The following STAB2 variants were observed in gnomAD, a reference collection of about 807,000 sequenced individuals.
STAB2 encodes stabilin-2.
STAB2 carries 288 observed loss-of-function variants against 338.1 expected under a neutral mutation model. The observed-to-expected ratio is 0.85, with a 90% CI of 0.77 to 0.94. The LOEUF is 0.94. Among genes scored for constraint, STAB2 ranks in the 40% least tolerant of loss-of-function variants. The pLI, the probability that STAB2 is intolerant of heterozygous loss-of-function variation, is 0.00. For missense variants in STAB2, 3,141 were observed against 3,210.1 expected (o/e 0.98, Z 0.52); for synonymous variants, 1,202 against 1,193.3 (o/e 1.01, Z -0.15).
At chr12:103,681,432 C>T (rs1345695106) in intron 25 of STAB2, among the ~76,000 whole-genome samples, 1 of 152,054 alleles carries the variant, frequency 6.6e-6, no homozygotes, top group East Asian at 1.9e-4. Context: ...ATCAAGGTGT[C>T]ATCAGGGTTG....
At position 103,740,804 on chromosome 12, in the gene STAB2, T is replaced by C. The variant is rs758808049; in HGVS notation, c.5881+48T>C. On this transcript the variant is annotated intron_variant, in intron 55 of 68. Transcript: ENST00000388887. ...CGCAACTCTAAAAGTGGTAATATGC[T>C]CCTGCTCGTTGTCCAGTCTTTGAAT... 2.6e-6 allele frequency: 4 copies of C among 1,515,814 alleles called. No homozygotes were observed. The South Asian group carries it at 5.4e-5, about 20-fold the overall frequency. 93.9% of individuals were successfully genotyped at this position (1,515,814 alleles called of 1,614,324 possible).
intron 58 of STAB2, among the ~76,000 whole-genome samples, chr12:103,746,989 G>A (rs1236608531): frequency 6.5e-5 from 8 of 122,334 alleles, no homozygotes; most frequent in Non-Finnish European, 9.7e-5. Flanking sequence ...GGACTTTCAC[G>A]CTTGTTGCCC....
At chr12:103,656,291 T>C (rs897050170) in intron 15 of STAB2, among the ~76,000 whole-genome samples, 1 of 152,238 alleles carries the variant, frequency 6.6e-6, no homozygotes, top group Non-Finnish European at 1.5e-5. Context: ...TGCCACCATC[T>C]TGGTAATGGG....
intron 50 of STAB2, among the ~76,000 whole-genome samples, chr12:103,732,771 C>T (rs1881733561): frequency 6.6e-6 from 1 of 152,142 alleles, no homozygotes; most frequent in South Asian, 2.1e-4. Flanking sequence ...TGCTACTGCA[C>T]TCCAGCCGGG....
intron 4 of STAB2, 106 bp from the exon 5 acceptor site, chr12:103,621,936 A>G: frequency 2.9e-6 from 3 of 1,027,392 alleles, no homozygotes; most frequent in Non-Finnish European, 4.4e-6. Context: ...ATAGGCACAG[A>G]GGGAAAATAT....
rs538317123 is a variant in STAB2, at chr12:103,660,387, T to A, written c.1788+3T>A. ...ACCACATTGTCCCATTTACCCAGGT[T>A]GGCCCCACTTTTCCTGCTGCTACTT... On this transcript the variant is annotated splice_donor_region_variant and intron_variant, in intron 16 of 68. Transcript: ENST00000388887. 10 of 1,614,192 alleles carry A rather than the reference T, an allele frequency of 6.2e-6. No individual in the cohort carries two copies. In the East Asian group the frequency reaches 2.0e-4, roughly 32 times the overall value.
intron 3 of STAB2, among the ~76,000 whole-genome samples, chr12:103,607,398 TA>T (rs57820429): frequency 0.5 from 75,454 of 151,118 alleles, 19,505 homozygotes; most frequent in East Asian, 0.74. Flanking sequence ...TGTTTTTTTT[TA>T]ATTATACTTT....
chr12:103,727,273 T>G lies in STAB2; in HGVS notation c.4858T>G (p.Phe1620Val). 1 of 1,614,230 alleles carries G rather than the reference T, an allele frequency of 6.2e-7. No individual in the cohort carries two copies. The highest frequency in any genetic ancestry group is 1.1e-5 in the South Asian group (1 of 91,090). Residue 1620 changes from phenylalanine (F) to valine (V), a missense_variant, in exon 47 of 69, where the codon TTC becomes GTC. Phe to Val is a conservative substitution (Grantham distance 50). Coordinates refer to ENST00000388887, the MANE Select transcript of STAB2 (RefSeq NM_017564.10). ...SQYFFQLQEHFVKDLVGPGPF... is the reference protein window; with the variant it reads ...SQYFFQLQEHVVKDLVGPGPF... ...CTCACCTTTCTTCCCACAGGAGCAT[T>G]TCGTGAAAGATCTGGTCGGCCCAGG...
At chr12:103,596,538 A>G (rs1353898286) in intron 3 of STAB2, among the ~76,000 whole-genome samples, 3 of 152,234 alleles carry the variant, frequency 2.0e-5, no homozygotes. Flanking sequence ...AACCTAGGTG[A>G]TAAGACTTGG....
chr12:103,763,247 G>C (rs902829073), intron 67 of STAB2: 8 of 492,124 alleles, frequency 1.6e-5, no homozygotes, highest in Non-Finnish European at 2.9e-5. Context: ...ACACATCCTG[G>C]GGTATGGAAA....
At chr12:103,720,842 C>G (rs1880704424) in intron 44 of STAB2, among the ~76,000 whole-genome samples, 1 of 152,232 alleles carries the variant, frequency 6.6e-6, no homozygotes, top group Non-Finnish European at 1.5e-5. Flanking sequence ...AGTTCTGTGT[C>G]TGCTGCAGGT....
intron 26 of STAB2, 30 bp downstream of exon 26, chr12:103,683,330 T>C: frequency 1.4e-6 from 2 of 1,418,294 alleles, no homozygotes; most frequent in Non-Finnish European, 1.9e-6. Flanking sequence ...TTTTCATTAC[T>C]TAAAAAAAAA....
At chr12:103,596,948 A>ATT (rs1956884213) in intron 3 of STAB2, among the ~76,000 whole-genome samples, 1 of 75,354 alleles carries the variant, frequency 1.3e-5, no homozygotes, top group Non-Finnish European at 2.3e-5. Context: ...GTGAGACCCT[A>ATT]TCTCAAAAAA....
chr12:103,746,362 C>T, intron 57 of STAB2: 1 of 372,868 alleles, frequency 2.7e-6, no homozygotes, highest in Non-Finnish European at 5.0e-6. Flanking sequence ...AACATTTTTT[C>T]TCATATAAAT....
At chr12:103,669,503 T>A in intron 20 of STAB2, 38 bp from the exon 21 acceptor site, 1 of 1,538,966 alleles carries the variant, frequency 6.5e-7, no homozygotes, top group Non-Finnish European at 9.0e-7. Context: ...GGTGCTCTAC[T>A]TGGGGGTTCA....
rs542161379 is a variant in STAB2, at chr12:103,721,705, G to A, written c.4684-3270G>A. Reference sequence around the variant, plus strand: ...GTGGGTGTAATAAGAAGTCGCTTGGGCCAGGTGGACATAGTGGCTCATGCC... The same window carrying A: ...GTGGGTGTAATAAGAAGTCGCTTGGACCAGGTGGACATAGTGGCTCATGCC... On this transcript the variant is annotated intron_variant, in intron 44 of 68. Transcript: ENST00000388887. 2.0e-5 allele frequency among the ~76,000 whole-genome samples: 3 copies of A among 152,310 alleles called. No homozygotes were observed. In the South Asian group the frequency reaches 6.2e-4, roughly 32 times the overall value.
chr12:103,722,799 T>C (rs1419070077), intron 44 of STAB2, among the ~76,000 whole-genome samples: 1 of 152,100 alleles, frequency 6.6e-6, no homozygotes, highest in African/African-American at 2.4e-5. Flanking sequence ...GGGAGTATGA[T>C]CTGATAGAGG....
rs140525330 is a variant in STAB2 at position 103,670,789 on chromosome 12, G to T, written c.2353G>T (p.Gly785Ter). ...GTTCTGCTCTGATCCCAATAAATAC[G>T]GACCTCGGTGTAACAAAAGTAAGTG... ...CQFCSDPNKY[G>*]PRCNKKCLCV... The change falls in exon 22 of 69, where the codon GGA becomes TGA. Residue 785 changes from glycine to a stop codon, truncating the protein, a stop_gained. Coordinates refer to ENST00000388887, the MANE Select transcript of STAB2 (RefSeq NM_017564.10). LOFTEE classifies it high-confidence loss of function. 9.3e-6 allele frequency: 15 copies of T among 1,613,738 alleles called. No individual in the cohort carries two copies. The highest frequency in any genetic ancestry group is 8.3e-5 in the Admixed American group (5 of 59,968).
At chr12:103,592,898 A>G (rs1420849698) in intron 2 of STAB2, among the ~76,000 whole-genome samples, 1 of 152,166 alleles carries the variant, frequency 6.6e-6, no homozygotes, top group Non-Finnish European at 1.5e-5. Context: ...TATTCCTCAT[A>G]TAAGTGGGAT....
Sources: allele counts gnomAD v4.1 joint callset (sites outside exome capture counted in the v4.1 genomes callset), GRCh38; gene constraint gnomAD v4.1.1; transcripts MANE v1.5; gene names NCBI Gene and HGNC (gene_info 2026-07-23, HGNC 2026-07-21).